GRID2: variants seen among roughly 807,000 people sequenced by gnomAD.
The protein encoded by GRID2 is glutamate receptor ionotropic, delta-2.
GRID2 carries 33 observed loss-of-function variants against 114.8 expected under a neutral mutation model. The observed-to-expected ratio is 0.29, with a 90% CI of 0.22 to 0.38. The LOEUF (loss-of-function observed/expected upper bound fraction) is 0.38. GRID2 is among the 10% of genes least tolerant of loss of function. The pLI is 1.00. For missense variants in GRID2, 1,184 were observed against 1,257.7 expected, an observed-to-expected ratio of 0.94 and a Z score of 0.89; for synonymous variants, 505 against 449.9, an observed-to-expected ratio of 1.12 and a Z score of -1.55.
At chr4:93,596,019 A>C (rs1739044097) in intron 13 of GRID2, among the ~76,000 whole-genome samples, 1 of 152,132 alleles carries the variant, frequency 6.6e-6, no homozygotes, top group Non-Finnish European at 1.5e-5. Flanking sequence ...TAGTTAAGTA[A>C]ATTATTTGTT....
chr4:93,510,442 G>C (rs1729053449), intron 12 of GRID2, among the ~76,000 whole-genome samples: 1 of 152,192 alleles, frequency 6.6e-6, no homozygotes, highest in Non-Finnish European at 1.5e-5. Flanking sequence ...GTTTACCACA[G>C]AGGGGTTACG....
intron 7 of GRID2, among the ~76,000 whole-genome samples, chr4:93,230,753 A>G (rs1311643032): frequency 6.6e-6 from 1 of 152,068 alleles, no homozygotes; most frequent in Non-Finnish European, 1.5e-5. Flanking sequence ...ACTCCTGTCA[A>G]AGTCACTTGG....
At chr4:93,040,385 A>G (rs1038089867) in intron 2 of GRID2, among the ~76,000 whole-genome samples, 21 of 152,104 alleles carry the variant, frequency 1.4e-4, no homozygotes, top group Non-Finnish European at 2.5e-4. Flanking sequence ...TTTGAAAAGT[A>G]TTTCTGGACC....
chr4:93,455,601 T>C (rs1235336844), intron 10 of GRID2, 61 bp from the exon 11 acceptor site: 1 of 1,139,650 alleles, frequency 8.8e-7, no homozygotes, highest in African/African-American at 1.5e-5. Flanking sequence ...CAAGCTGAAG[T>C]GGCACAAATG....
chr4:92,836,489 C>T (rs1742468524), intron 2 of GRID2, among the ~76,000 whole-genome samples: 1 of 151,866 alleles, frequency 6.6e-6, no homozygotes, highest in South Asian at 2.1e-4. Context: ...TTGGATGGTA[C>T]ATGGCAAATA....
chr4:93,124,031 C>T (rs1367882934), intron 4 of GRID2, among the ~76,000 whole-genome samples: 1 of 148,606 alleles, frequency 6.7e-6, no homozygotes, highest in Admixed American at 6.8e-5. Context: ...GGGTGCAGCG[C>T]ACCAGCATGG....
chr4:92,982,275 T>C (rs1056145402), intron 2 of GRID2, among the ~76,000 whole-genome samples: 6 of 152,008 alleles, frequency 3.9e-5, no homozygotes, highest in African/African-American at 1.2e-4. Context: ...GATAAACATG[T>C]GATGTTGCAA....
At chr4:92,615,308 C>A (rs975979202) in intron 2 of GRID2, among the ~76,000 whole-genome samples, 1 of 151,508 alleles carries the variant, frequency 6.6e-6, no homozygotes, top group Non-Finnish European at 1.5e-5. Flanking sequence ...ATCATGAGGG[C>A]TCTGCCTATT....
chr4:92,356,423 C>A (rs1264466854), intron 1 of GRID2, among the ~76,000 whole-genome samples: 1 of 151,386 alleles, frequency 6.6e-6, no homozygotes, highest in East Asian at 1.9e-4. Context: ...TTAATGATCT[C>A]TTTTACTAAC....
chr4:93,178,410 T>TC (rs1554002370), intron 4 of GRID2, among the ~76,000 whole-genome samples: 9 of 135,180 alleles, frequency 6.7e-5, no homozygotes, highest in South Asian at 2.3e-4. Context: ...TTTTTTTTTT[T>TC]CCAGAGAGAG....
At chr4:92,579,702 A>T (rs948433357) in intron 1 of GRID2, among the ~76,000 whole-genome samples, 1 of 151,856 alleles carries the variant, frequency 6.6e-6, no homozygotes, top group African/African-American at 2.4e-5. Context: ...TACAAAAATG[A>T]TAAAGTTTAA....
intron 14 of GRID2, among the ~76,000 whole-genome samples, chr4:93,682,536 G>A (rs1378770618): frequency 6.6e-6 from 1 of 152,010 alleles, no homozygotes; most frequent in African/African-American, 2.4e-5. Flanking sequence ...CAAGCCAAAT[G>A]TCCAACAATG....
chr4:93,460,600 A>C (rs1055590019), intron 11 of GRID2, among the ~76,000 whole-genome samples: 2 of 151,992 alleles, frequency 1.3e-5, no homozygotes, highest in African/African-American at 4.8e-5. Context: ...ACATGTCTCC[A>C]CCTGAGTCCT....
intron 1 of GRID2, among the ~76,000 whole-genome samples, chr4:92,346,964 C>T (rs1436413580): frequency 6.6e-6 from 1 of 152,168 alleles, no homozygotes; most frequent in Admixed American, 6.5e-5. Flanking sequence ...TTTGATACTT[C>T]TCCTAGGCTG....
In GRID2 at chr4:93,626,308, G is replaced by A. The variant is rs1742725569; in HGVS notation, c.2233G>A (p.Val745Ile). The change falls in exon 14 of 16, where the codon GTA (valine) becomes ATA (isoleucine). Residue 745 changes from valine to isoleucine, a missense_variant. By Grantham distance (29) the Val-to-Ile change is conservative (BLOSUM62 3). Transcript: ENST00000282020. ...GNYAFVWDAAVLEYVAINDPD... is the reference protein window; with the variant it reads ...GNYAFVWDAAILEYVAINDPD... ...TTATGCTTTCGTATGGGATGCAGCT[G>A]TATTGGAATATGTGGCTATCAATGA... The A allele has an allele frequency of 6.2e-7, 1 of 1,603,096 alleles. No individual in the cohort carries two copies. The highest frequency in any genetic ancestry group is 8.5e-7 in the Non-Finnish European group (1 of 1,170,442).
rs540130370 is a variant in GRID2 at position 92,534,934 on chromosome 4, G to GA, written c.89-55193dup. Among the ~76,000 whole-genome samples the GA allele has an allele frequency of 3.9e-5, 6 of 152,232 alleles. No individual in the cohort carries two copies. The South Asian group carries it at 1.2e-3, about 32-fold the overall frequency. On this transcript the variant is annotated intron_variant, in intron 1 of 15. Transcript: ENST00000282020. ...GTTTATATCTTGAGCCCCCAGTGAT[G>GA]AAAACCTTTAGCAAAATACAGGTTA...
intron 2 of GRID2, among the ~76,000 whole-genome samples, chr4:92,639,950 T>A (rs1731263858): frequency 1.3e-5 from 2 of 151,766 alleles, no homozygotes; most frequent in Non-Finnish European, 2.9e-5. Flanking sequence ...TATGTAAAAT[T>A]GAGGCCTTCT....
chr4:93,079,502 A>G (rs1388440610), intron 2 of GRID2, among the ~76,000 whole-genome samples: 1 of 151,950 alleles, frequency 6.6e-6, no homozygotes, highest in Non-Finnish European at 1.5e-5. Flanking sequence ...CTGTTTAAAA[A>G]CAATGATTTA....
chr4:93,177,109 G>T (rs947096307), intron 4 of GRID2, among the ~76,000 whole-genome samples: 1 of 152,146 alleles, frequency 6.6e-6, no homozygotes, highest in African/African-American at 2.4e-5. Flanking sequence ...AGTGTGTAGT[G>T]TGCAAGATGA....
Sources: gnomAD v4.1 joint callset for allele counts (sites outside exome capture counted in the v4.1 genomes callset) on GRCh38, gnomAD v4.1.1 for gene constraint, MANE v1.5 for transcripts, NCBI Gene and HGNC (gene_info 2026-07-23, HGNC 2026-07-21) for gene names.